The following IKBIP variants were observed in gnomAD, a reference collection of about 807,000 sequenced individuals.
IKBIP encodes the protein inhibitor of nuclear factor kappa-B kinase-interacting protein.
In IKBIP, 28 loss-of-function variants were observed where a neutral mutation model predicts 31.0. The observed-to-expected ratio is 0.90, with a 90% confidence interval of 0.67 to 1.24. The LOEUF (loss-of-function observed/expected upper bound fraction) is 1.24, where lower values mean the gene tolerates loss of function less well. IKBIP is among the 50% of genes most tolerant of loss of function. The probability of loss-of-function intolerance (pLI) is 0.00; values close to 1 mark genes in which losing one functional copy is unlikely to be tolerated. For missense variants in IKBIP, 453 were observed against 441.9 expected (o/e 1.03, Z -0.23); for synonymous variants, 164 against 160.3 (o/e 1.02, Z -0.17).
downstream of IKBIP, among the ~76,000 whole-genome samples, chr12:98,619,598 T>G (rs1043707036): frequency 6.6e-6 from 1 of 152,028 alleles, no homozygotes. Flanking sequence ...AGAGTTAGAG[T>G]CTATCAGTAG....
intron 1 of IKBIP, among the ~76,000 whole-genome samples, chr12:98,641,421 T>C (rs77331997): frequency 0.037 from 5,589 of 152,346 alleles, 153 homozygotes; most frequent in Middle Eastern, 0.13. Flanking sequence ...GTCAAAATTC[T>C]AGTGAGCTTT....
chr12:98,633,058 C>G (rs766954879), intron 2 of IKBIP, among the ~76,000 whole-genome samples: 40 of 152,150 alleles, frequency 2.6e-4, no homozygotes, highest in African/African-American at 8.4e-4. Flanking sequence ...CATGGCTTTT[C>G]TCTTCTGGAG....
At chr12:98,622,986 T>A (rs577569012), downstream of IKBIP, among the ~76,000 whole-genome samples, 1 of 151,104 alleles carries the variant, frequency 6.6e-6, no homozygotes, top group Non-Finnish European at 1.5e-5. Context: ...CCAGTACTTT[T>A]ACTTTTTTTT....
exon 3 of IKBIP, chr12:98,614,201 C>G (rs772890591): frequency 6.2e-7 from 1 of 1,613,994 alleles, no homozygotes; most frequent in Non-Finnish European, 8.5e-7. Flanking sequence ...CGTCGTCAGA[C>G]TGTTGTTCAG....
At chr12:98,628,875 A>C (rs1284423503) in intron 2 of IKBIP, among the ~76,000 whole-genome samples, 1 of 152,210 alleles carries the variant, frequency 6.6e-6, no homozygotes, top group Admixed American at 6.5e-5. Flanking sequence ...TAAAGGAGAT[A>C]AACTAGCAAC....
chr12:98,624,259 A>T lies in IKBIP; in HGVS notation c.*1671T>A, dbSNP rs1565838861. 1.0e-6 allele frequency: 1 copy of T among 970,118 alleles called. No homozygotes were observed. Among genetic ancestry groups the T allele is most frequent in the African/African-American group, 1.8e-5 (1 of 56,890 alleles). 60.1% of individuals were successfully genotyped at this position (970,118 alleles called of 1,614,324 possible). A position where few individuals can be genotyped will look rare whatever the true frequency, so the allele number is the denominator to read the frequency against. On this transcript the variant is annotated 3_prime_UTR_variant, in exon 3 of 3. Transcript: ENST00000299157. ...CAACAAAGTTCCAGCTTACTTTATA[A>T]TCTATTTTATTACCATTAATATAAA... is the stretch of plus-strand genomic sequence containing the variant.
chr12:98,613,671 T>C (rs774637223), exon 3 of IKBIP: 6 of 1,599,034 alleles, frequency 3.8e-6, no homozygotes, highest in Admixed American at 1.7e-5. Context: ...ATTTTTTCAC[T>C]TAAGAAAGCA....
At chr12:98,614,255 T>C (rs1338384039) in exon 3 of IKBIP, 2 of 1,611,550 alleles carry the variant, frequency 1.2e-6, no homozygotes, top group South Asian at 2.2e-5. Flanking sequence ...AGTTTTTACC[T>C]CATTAATTTC....
At chr12:98,638,245 A>C (rs1196159168) in intron 1 of IKBIP, among the ~76,000 whole-genome samples, 1 of 152,162 alleles carries the variant, frequency 6.6e-6, no homozygotes, top group Non-Finnish European at 1.5e-5. Flanking sequence ...CAAGTTAAAT[A>C]ACTTTGATGT....
At chr12:98,616,137 A>G (rs981443059) in intron 2 of IKBIP, among the ~76,000 whole-genome samples, 4 of 151,902 alleles carry the variant, frequency 2.6e-5, no homozygotes, top group Non-Finnish European at 4.4e-5. Flanking sequence ...TTTTCTCCAC[A>G]TTCTCACCAA....
intron 1 of IKBIP, among the ~76,000 whole-genome samples, chr12:98,644,285 C>T (rs933078627): frequency 6.6e-6 from 1 of 152,204 alleles, no homozygotes; most frequent in African/African-American, 2.4e-5. Context: ...AAACCTTAGC[C>T]TCAACTCCTT....
chr12:98,636,101 C>A (rs17460208), intron 1 of IKBIP, among the ~76,000 whole-genome samples: 2,508 of 152,304 alleles, frequency 0.016, 28 homozygotes, highest in South Asian at 0.026. Context: ...CAGAAAAAAA[C>A]ACTTGAAATT....
intron 1 of IKBIP, among the ~76,000 whole-genome samples, chr12:98,636,585 C>T (rs1408287897): frequency 6.6e-6 from 1 of 152,200 alleles, no homozygotes; most frequent in Non-Finnish European, 1.5e-5. Context: ...GGAGGAAATA[C>T]ATTTCTTTTG....
chr12:98,624,072 G>T (rs1344193316), downstream of IKBIP, among the ~76,000 whole-genome samples: 5 of 148,178 alleles, frequency 3.4e-5, 1 homozygote, highest in African/African-American at 1.3e-4. Context: ...ATAGAGAACA[G>T]TAGCCACCTT....
intron 2 of IKBIP, among the ~76,000 whole-genome samples, chr12:98,633,204 T>C (rs2097622645): frequency 6.6e-6 from 1 of 152,118 alleles, no homozygotes; most frequent in Admixed American, 6.6e-5. Flanking sequence ...AAAGGTTTAG[T>C]GAATGAATAA....
chr12:98,637,782 C>T (rs1047062507), intron 1 of IKBIP, among the ~76,000 whole-genome samples: 4 of 151,862 alleles, frequency 2.6e-5, no homozygotes, highest in African/African-American at 9.7e-5. Flanking sequence ...ATGATCTTGG[C>T]TAACTGCAAC....
chr12:98,639,111 G>GCTCACTGCAACTTCCGC (rs1565844437), intron 1 of IKBIP, among the ~76,000 whole-genome samples: 1 of 151,970 alleles, frequency 6.6e-6, no homozygotes, highest in Non-Finnish European at 1.5e-5. Flanking sequence ...TGTGATCTCG[G>GCTCACTGCAACTTCCGC]CTCACTGCAA....
chr12:98,633,719 T>C (rs912454763), intron 2 of IKBIP, among the ~76,000 whole-genome samples: 25 of 152,022 alleles, frequency 1.6e-4, no homozygotes, highest in African/African-American at 6.0e-4. Flanking sequence ...TTTCACCATG[T>C]TGGCCAGGCT....
chr12:98,632,087 C>T (rs576852172), intron 2 of IKBIP, among the ~76,000 whole-genome samples: 27 of 152,056 alleles, frequency 1.8e-4, no homozygotes, highest in African/African-American at 6.5e-4. Context: ...AACTCCTGAC[C>T]TCGTGATCTG....
Sources: allele counts gnomAD v4.1 joint callset (sites outside exome capture counted in the v4.1 genomes callset), GRCh38; gene constraint gnomAD v4.1.1; transcripts MANE v1.5; gene names NCBI Gene and HGNC (gene_info 2026-07-23, HGNC 2026-07-21).